Variants in ESRRG observed in about 807,000 individuals in gnomAD.
ESRRG encodes estrogen related receptor gamma.
A neutral mutation model predicts 44.0 loss-of-function variants in ESRRG; 13 were observed. The ratio of observed to expected loss-of-function variants is 0.30; its 90% CI spans 0.19 to 0.47. ESRRG has a LOEUF of 0.47. Ranked by LOEUF, ESRRG falls within the 20% of genes least tolerant of loss-of-function variation. The pLI is 1.00. For synonymous variants in ESRRG, 215 were observed against 214.6 expected (o/e 1.00, Z -0.02); for missense variants, 395 against 580.6 (o/e 0.68, Z 3.29).
chr1:216,776,213 TTATTA>T (rs1164520074), intron 2 of ESRRG, among the ~76,000 whole-genome samples: 1 of 152,104 alleles, frequency 6.6e-6, no homozygotes, highest in Non-Finnish European at 1.5e-5. Context: ...CCTACCAAGC[TTATTA>T]ATAACAAACC....
chr1:217,108,144 A>T (rs563315120), intron 1 of ESRRG, among the ~76,000 whole-genome samples: 21 of 152,256 alleles, frequency 1.4e-4, no homozygotes, highest in Admixed American at 4.6e-4. Context: ...CAAACTCTTA[A>T]CTTGCCAAAA....
chr1:217,100,227 T>C (rs185110569), intron 1 of ESRRG, among the ~76,000 whole-genome samples: 77 of 152,336 alleles, frequency 5.1e-4, no homozygotes, highest in Non-Finnish European at 9.0e-4. Context: ...TCTCTAAGGC[T>C]GTACTTTATA....
chr1:216,652,830 C>G (rs1229056212), intron 2 of ESRRG, among the ~76,000 whole-genome samples: 1 of 152,048 alleles, frequency 6.6e-6, no homozygotes, highest in Non-Finnish European at 1.5e-5. Flanking sequence ...AAGAGTGTTG[C>G]TAGTAATTTT....
intron 5 of ESRRG, among the ~76,000 whole-genome samples, chr1:216,563,491 C>T (rs2059149661): frequency 1.3e-5 from 2 of 151,956 alleles, no homozygotes; most frequent in Admixed American, 1.3e-4. Flanking sequence ...GTTAACTGTA[C>T]CAGAAAAACA....
intron 1 of ESRRG, among the ~76,000 whole-genome samples, chr1:217,129,571 A>G (rs2092937180): frequency 6.6e-6 from 1 of 152,234 alleles, no homozygotes; most frequent in African/African-American, 2.4e-5. Flanking sequence ...ATGTGTAAAC[A>G]AAAGGTGATA....
At chr1:216,690,550 A>G (rs1207013817) in intron 1 of ESRRG, among the ~76,000 whole-genome samples, 1 of 152,150 alleles carries the variant, frequency 6.6e-6, no homozygotes, top group Non-Finnish European at 1.5e-5. Context: ...TATGGGTCAT[A>G]TTTGTTAAAC....
chr1:216,693,166 A>T (rs965370678), intron 1 of ESRRG, among the ~76,000 whole-genome samples: 2 of 152,174 alleles, frequency 1.3e-5, no homozygotes, highest in African/African-American at 4.8e-5. Context: ...TTCCTCAGCA[A>T]GTCTTTCCTG....
chr1:216,837,919 G>C (rs2095594188), intron 2 of ESRRG, among the ~76,000 whole-genome samples: 1 of 152,222 alleles, frequency 6.6e-6, no homozygotes, highest in Admixed American at 6.5e-5. Context: ...TGTTCCAATA[G>C]AGAGAGTAGA....
chr1:216,784,432 A>G (rs1370562980), intron 2 of ESRRG, among the ~76,000 whole-genome samples: 1 of 152,068 alleles, frequency 6.6e-6, no homozygotes, highest in Non-Finnish European at 1.5e-5. Flanking sequence ...AAATCCTTAT[A>G]TACTTTATTT....
At chr1:216,576,255 TG>T (rs1213617005) in intron 3 of ESRRG, among the ~76,000 whole-genome samples, 2 of 151,818 alleles carry the variant, frequency 1.3e-5, no homozygotes, top group African/African-American at 4.8e-5. Flanking sequence ...ACTGCTTGGC[TG>T]CATGTGGAAA....
chr1:216,642,797 GA>G (rs1046640276), intron 3 of ESRRG, among the ~76,000 whole-genome samples: 2 of 151,636 alleles, frequency 1.3e-5, no homozygotes, highest in South Asian at 2.1e-4. Flanking sequence ...TAGACTTGAG[GA>G]AAAAAAATCA....
intron 5 of ESRRG, among the ~76,000 whole-genome samples, chr1:216,519,826 A>T (rs1409147760): frequency 6.6e-6 from 1 of 151,112 alleles, no homozygotes; most frequent in African/African-American, 2.4e-5. Flanking sequence ...AAAAAAAAAA[A>T]AAGAAGAAGA....
intron 2 of ESRRG, among the ~76,000 whole-genome samples, chr1:216,912,893 G>A (rs1339937712): frequency 6.6e-6 from 1 of 151,958 alleles, no homozygotes; most frequent in African/African-American, 2.4e-5. Flanking sequence ...AGGCTGAGGT[G>A]GGTGGATCAC....
intron 5 of ESRRG, among the ~76,000 whole-genome samples, chr1:216,541,611 T>TGTGTGTGTGA (rs753149020): frequency 1.7e-3 from 260 of 148,744 alleles, no homozygotes; most frequent in Non-Finnish European, 2.6e-3. Context: ...TGTGTGTATG[T>TGTGTGTGTGA]GATCAGCTAT....
chr1:217,124,634 T>C (rs1234489846), intron 1 of ESRRG, among the ~76,000 whole-genome samples: 1 of 152,210 alleles, frequency 6.6e-6, no homozygotes, highest in Non-Finnish European at 1.5e-5. Context: ...TTGAGTTATC[T>C]GAACACTTGC....
intron 1 of ESRRG, among the ~76,000 whole-genome samples, chr1:217,123,298 C>G (rs1290121976): frequency 6.6e-6 from 1 of 152,144 alleles, no homozygotes; most frequent in African/African-American, 2.4e-5. Context: ...TCATTCTCCT[C>G]CCTCCTCCAT....
chr1:217,136,311 A>T (rs965644558), intron 1 of ESRRG, among the ~76,000 whole-genome samples: 1 of 152,204 alleles, frequency 6.6e-6, no homozygotes, highest in South Asian at 2.1e-4. Flanking sequence ...GTAACCCAGA[A>T]TTTTAGATGG....
intron 1 of ESRRG, among the ~76,000 whole-genome samples, chr1:216,695,859 T>C (rs1177974064): frequency 3.9e-5 from 6 of 152,198 alleles, no homozygotes; most frequent in Non-Finnish European, 1.5e-5. Flanking sequence ...TCACAAAGCA[T>C]TAAGCATTGC....
intron 2 of ESRRG, among the ~76,000 whole-genome samples, chr1:216,739,432 G>T (rs950287235): frequency 2.0e-5 from 3 of 152,170 alleles, no homozygotes; most frequent in African/African-American, 7.2e-5. Flanking sequence ...TAACAGTGAA[G>T]AGCTGCCAAT....
Sources: allele counts gnomAD v4.1 joint callset (sites outside exome capture counted in the v4.1 genomes callset), GRCh38; gene constraint gnomAD v4.1.1; transcripts MANE v1.5; gene names NCBI Gene and HGNC (gene_info 2026-07-23, HGNC 2026-07-21).